The following ARB2A variants were observed in gnomAD, a reference collection of about 807,000 sequenced individuals.
ARB2A encodes the protein cotranscriptional regulator ARB2A.
chr5:93,864,436 G>A, the ARB2A span, among the ~76,000 whole-genome samples: 1 of 152,072 alleles, frequency 6.6e-6, no homozygotes, highest in East Asian at 1.9e-4. Context: ...ACAATTTTAA[G>A]TATCATTGAT....
the ARB2A span, among the ~76,000 whole-genome samples, chr5:94,005,140 T>G: frequency 6.6e-6 from 1 of 151,970 alleles, no homozygotes; most frequent in African/African-American, 2.4e-5. Flanking sequence ...TATCATCTTG[T>G]TTGACCTCAA....
At chr5:93,764,899 T>A in the ARB2A span, among the ~76,000 whole-genome samples, 2 of 152,082 alleles carry the variant, frequency 1.3e-5, no homozygotes, top group Admixed American at 6.6e-5. Context: ...CATACGTAAA[T>A]CAATAAACAT....
chr5:93,784,315 T>C, the ARB2A span: 1 of 1,032,988 alleles, frequency 9.7e-7, no homozygotes, highest in Non-Finnish European at 1.5e-6. Context: ...GTGTTACAGG[T>C]TGGTGGGGGC....
the ARB2A span, among the ~76,000 whole-genome samples, chr5:93,757,241 A>T: frequency 6.6e-6 from 1 of 152,188 alleles, no homozygotes; most frequent in Non-Finnish European, 1.5e-5. Flanking sequence ...TTAAATGACC[A>T]AGCATGAGAA....
the ARB2A span, among the ~76,000 whole-genome samples, chr5:93,765,062 T>C: frequency 6.6e-6 from 1 of 152,194 alleles, no homozygotes; most frequent in East Asian, 1.9e-4. Context: ...ATAAGAGCTA[T>C]ATATGACAAA....
the ARB2A span, among the ~76,000 whole-genome samples, chr5:94,040,162 T>C: frequency 6.6e-6 from 1 of 152,174 alleles, no homozygotes; most frequent in African/African-American, 2.4e-5. Context: ...GAGTTTGGCA[T>C]CACAGGATGT....
chr5:93,802,511 T>A, the ARB2A span, among the ~76,000 whole-genome samples: 1 of 151,938 alleles, frequency 6.6e-6, no homozygotes, highest in South Asian at 2.1e-4. Flanking sequence ...GCAAGAAAAA[T>A]TCAAGGCTAT....
the ARB2A span, among the ~76,000 whole-genome samples, chr5:93,931,966 C>T: frequency 6.6e-6 from 1 of 152,084 alleles, no homozygotes; most frequent in Non-Finnish European, 1.5e-5. Flanking sequence ...TATGTTTGTT[C>T]ATTCTTATTG....
the ARB2A span, among the ~76,000 whole-genome samples, chr5:93,976,289 T>A: frequency 2.6e-5 from 4 of 152,300 alleles, no homozygotes; most frequent in African/African-American, 7.2e-5. Flanking sequence ...GAGTCATCTA[T>A]GAAAAACACA....
At chr5:93,952,020 C>A in the ARB2A span, among the ~76,000 whole-genome samples, 5 of 152,038 alleles carry the variant, frequency 3.3e-5, no homozygotes, top group Non-Finnish European at 7.4e-5. Flanking sequence ...ATGATCTATA[C>A]CTTTGGGACT....
At chr5:93,896,559 A>C in the ARB2A span, among the ~76,000 whole-genome samples, 3 of 152,060 alleles carry the variant, frequency 2.0e-5, no homozygotes, top group Non-Finnish European at 4.4e-5. Flanking sequence ...AAAAACCAAA[A>C]CACTTCTGGT....
the ARB2A span, among the ~76,000 whole-genome samples, chr5:93,872,472 G>C: frequency 4.1e-4 from 62 of 152,140 alleles, no homozygotes; most frequent in Non-Finnish European, 6.3e-4. Context: ...ACCCTAACTG[G>C]TCAGTGTCCA....
chr5:93,766,522 TA>T, the ARB2A span, among the ~76,000 whole-genome samples: 1 of 152,092 alleles, frequency 6.6e-6, no homozygotes, highest in South Asian at 2.1e-4. Flanking sequence ...TGGCAATCAT[TA>T]AAAAGTCAGG....
chr5:93,678,843 A>G, the ARB2A span, among the ~76,000 whole-genome samples: 2 of 152,150 alleles, frequency 1.3e-5, no homozygotes, highest in Non-Finnish European at 2.9e-5. Flanking sequence ...TTTTGTAAAT[A>G]TTACCAACAG....
the ARB2A span, chr5:94,074,789 T>G: frequency 6.6e-7 from 1 of 1,525,116 alleles, no homozygotes; most frequent in Non-Finnish European, 9.0e-7. Flanking sequence ...ATGAAAGCAA[T>G]AAATTAAGTT....
the ARB2A span, among the ~76,000 whole-genome samples, chr5:94,021,065 A>T: frequency 6.6e-6 from 1 of 152,158 alleles, no homozygotes; most frequent in Non-Finnish European, 1.5e-5. Context: ...AAGATAAAAC[A>T]CTGGCTTGTT....
At chr5:93,824,189 A>G in the ARB2A span, 1 of 1,596,890 alleles carries the variant, frequency 6.3e-7, no homozygotes, top group East Asian at 2.3e-5. Context: ...TGAGCAACGA[A>G]AAACACATTC....
the ARB2A span, among the ~76,000 whole-genome samples, chr5:94,003,731 G>A: frequency 1.3e-4 from 20 of 152,028 alleles, no homozygotes; most frequent in South Asian, 4.1e-4. Context: ...AAGACATACC[G>A]TGTTCATGGA....
chr5:93,675,089 AC>A, the ARB2A span, among the ~76,000 whole-genome samples: 1 of 152,194 alleles, frequency 6.6e-6, no homozygotes, highest in Non-Finnish European at 1.5e-5. Context: ...CTTTCTAATA[AC>A]AATACTGAAT....
Sources: gnomAD v4.1 joint callset for allele counts (sites outside exome capture counted in the v4.1 genomes callset) on GRCh38, gnomAD v4.1.1 for gene constraint, MANE v1.5 for transcripts, NCBI Gene and HGNC (gene_info 2026-07-23, HGNC 2026-07-21) for gene names.